Variants in GPD2 observed in about 807,000 individuals in gnomAD.
The protein encoded by GPD2 is glycerol-3-phosphate dehydrogenase, mitochondrial.
A neutral mutation model predicts 82.4 loss-of-function variants in GPD2; 54 were observed. That is an observed-to-expected ratio of 0.66 (90% CI 0.53 to 0.82). The LOEUF is 0.82. Ranked by LOEUF, GPD2 falls within the 40% of genes least tolerant of loss-of-function variation. The pLI is 0.00. For synonymous variants in GPD2, 288 were observed against 306.1 expected (o/e 0.94, Z 0.62); for missense variants, 748 against 896.2 (o/e 0.83, Z 2.11).
intron 7 of GPD2, 53 bp downstream of exon 7, chr2:156,549,825 A>G (rs1686692012): frequency 7.9e-7 from 1 of 1,266,770 alleles, no homozygotes; most frequent in Non-Finnish European, 1.1e-6. Flanking sequence ...CCTAGCTTAT[A>G]TAATGACTGA....
the GPD2 span, among the ~76,000 whole-genome samples, chr2:156,423,970 A>G: frequency 6.6e-6 from 1 of 152,254 alleles, no homozygotes; most frequent in Non-Finnish European, 1.5e-5. Flanking sequence ...AAGCCACGCC[A>G]GGTGGCTAAT....
At chr2:156,400,992 A>G in the GPD2 span, among the ~76,000 whole-genome samples, 1 of 152,190 alleles carries the variant, frequency 6.6e-6, no homozygotes, top group Admixed American at 6.5e-5. Flanking sequence ...GCTCAGGGAA[A>G]CCACCTTCTT....
chr2:156,522,525 T>A (rs769674489), intron 6 of GPD2, among the ~76,000 whole-genome samples: 6 of 152,210 alleles, frequency 3.9e-5, no homozygotes, highest in Non-Finnish European at 8.8e-5. Flanking sequence ...AAAATCTTTG[T>A]CCACTCTTCT....
the GPD2 span, among the ~76,000 whole-genome samples, chr2:156,427,638 A>C: frequency 6.6e-6 from 1 of 152,242 alleles, no homozygotes; most frequent in Admixed American, 6.5e-5. Context: ...CTAGCTCTAG[A>C]AAGATAGATT....
intron 1 of GPD2, among the ~76,000 whole-genome samples, chr2:156,439,389 C>G (rs2105134389): frequency 6.6e-6 from 1 of 151,348 alleles, no homozygotes; most frequent in Admixed American, 6.6e-5. Context: ...TTGAGACCAG[C>G]CTGGACAACA....
chr2:156,533,813 C>T (rs532718378), intron 6 of GPD2, among the ~76,000 whole-genome samples: 3 of 152,334 alleles, frequency 2.0e-5, no homozygotes, highest in African/African-American at 7.2e-5. Context: ...CCACCATGCT[C>T]AAACCCCTTA....
chr2:156,488,085 T>G lies in GPD2; in HGVS notation c.103-7959T>G, dbSNP rs370251160. Among the ~76,000 whole-genome samples, 23 of 152,118 alleles carry G rather than the reference T, an allele frequency of 1.5e-4. No individual in the cohort carries two copies. The East Asian group carries it at 4.2e-3, about 28-fold the overall frequency. Reference sequence around the variant, plus strand: ...AGCTACCCCAGAAGGATGGGCTCCTTTTTTTTTCTTTTGTGTGGACCCCAG... The same window carrying G: ...AGCTACCCCAGAAGGATGGGCTCCTGTTTTTTTCTTTTGTGTGGACCCCAG... On this transcript the variant is annotated intron_variant, in intron 2 of 16. Coordinates refer to ENST00000438166, the MANE Select transcript of GPD2 (RefSeq NM_000408.5).
At chr2:156,445,063 T>G (rs534429842) in intron 1 of GPD2, among the ~76,000 whole-genome samples, 7 of 152,344 alleles carry the variant, frequency 4.6e-5, no homozygotes, top group African/African-American at 1.7e-4. Context: ...TCACAGAATT[T>G]TAAAATAGGA....
At position 156,557,532 on chromosome 2, in the gene GPD2, T is replaced by C. The variant is rs753810240; in HGVS notation, c.1115T>C (p.Ile372Thr). The change falls in exon 9 of 17, where the codon ATC becomes ACC. Residue 372 changes from isoleucine to threonine, a missense_variant. Coordinates refer to ENST00000438166, the MANE Select transcript of GPD2 (RefSeq NM_000408.5). ...CATCCAATTCCTTCAGAAGAAGATATCAACTTCATTTTGAATGAAGTGCGT... is the reference window on the plus strand; with the variant it reads ...CATCCAATTCCTTCAGAAGAAGATACCAACTTCATTTTGAATGAAGTGCGT... ...THHPIPSEED[I>T]NFILNEVRNY... 44 of 1,602,368 alleles carry C rather than the reference T, an allele frequency of 2.7e-5. No individual in the cohort carries two copies. In the Admixed American group the frequency reaches 5.3e-4, roughly 19 times the overall value.
In GPD2 at chr2:156,549,670, G is replaced by A. The variant is rs2105334112; in HGVS notation, c.724G>A (p.Ala242Thr). 1.9e-6 allele frequency: 3 copies of A among 1,613,766 alleles called. No individual in the cohort carries two copies. The highest frequency in any genetic ancestry group is 2.7e-5 in the African/African-American group (2 of 75,036). ...TCTGACTGCTGCCAGGTATGGGGCT[G>A]CCACAGCCAATTACATGGAGGTAGT... ...IALTAARYGA[A>T]TANYMEVVSL... Residue 242 changes from alanine to threonine, a missense_variant, in exon 7 of 17, where the codon GCC becomes ACC. Coordinates refer to ENST00000438166, the MANE Select transcript of GPD2 (RefSeq NM_000408.5).
chr2:156,496,029 C>T lies in GPD2; in HGVS notation c.103-15C>T. The T allele has an allele frequency of 1.9e-6, 3 of 1,603,868 alleles. No individual in the cohort carries two copies. The highest frequency in any genetic ancestry group is 2.6e-6 in the Non-Finnish European group (3 of 1,171,738). On this transcript the variant is annotated splice_polypyrimidine_tract_variant and intron_variant, in intron 2 of 16. Transcript: ENST00000438166. ...TTCCAAATGGACAACTGAAAGTGATCTGCTTTTACATCAGATGAACCTGGC... is the reference window on the plus strand; with the variant it reads ...TTCCAAATGGACAACTGAAAGTGATTTGCTTTTACATCAGATGAACCTGGC...
chr2:156,534,366 A>G (rs1000011054), intron 6 of GPD2, among the ~76,000 whole-genome samples: 1 of 152,220 alleles, frequency 6.6e-6, no homozygotes. Context: ...GGGATGCAGC[A>G]GGCCAAAAGG....
At chr2:156,433,819 T>C (rs1688351364), upstream of GPD2, among the ~76,000 whole-genome samples, 1 of 152,140 alleles carries the variant, frequency 6.6e-6, no homozygotes, top group Non-Finnish European at 1.5e-5. Flanking sequence ...AAACATCAGT[T>C]ATATTCAGGC....
At chr2:156,424,202 G>A in the GPD2 span, among the ~76,000 whole-genome samples, 35 of 147,504 alleles carry the variant, frequency 2.4e-4, no homozygotes, top group South Asian at 2.1e-4. Flanking sequence ...ATTAAATAAG[G>A]AAAAAAAAAA....
chr2:156,496,018 C>A (rs748420947), intron 2 of GPD2, 26 bp from the exon 3 acceptor site: 1 of 1,587,342 alleles, frequency 6.3e-7, no homozygotes, highest in South Asian at 1.1e-5. Context: ...AAATGGACAA[C>A]TGAAAGTGAT....
At chr2:156,513,312 T>TC (rs760949816) in intron 5 of GPD2, 21 bp from the exon 6 acceptor site, 3 of 1,565,764 alleles carry the variant, frequency 1.9e-6, no homozygotes, top group Middle Eastern at 2.3e-4. Flanking sequence ...TGAAGAACTT[T>TC]CCCCCCTATT....
the GPD2 span, among the ~76,000 whole-genome samples, chr2:156,428,865 T>C: frequency 6.6e-6 from 1 of 152,194 alleles, no homozygotes; most frequent in African/African-American, 2.4e-5. Flanking sequence ...AGAGGAGGAA[T>C]GAAGGAGATT....
At chr2:156,478,508 A>G (rs1573909627) in intron 2 of GPD2, among the ~76,000 whole-genome samples, 1 of 152,164 alleles carries the variant, frequency 6.6e-6, no homozygotes, top group East Asian at 1.9e-4. Flanking sequence ...GCAAAAAATA[A>G]TAATAATAAT....
In GPD2 at chr2:156,551,974, T is replaced by A. The variant is rs181200835; in HGVS notation, c.971+1228T>A. On this transcript the variant is annotated intron_variant, in intron 8 of 16. Coordinates refer to ENST00000438166, the MANE Select transcript of GPD2 (RefSeq NM_000408.5). Reference sequence around the variant, plus strand: ...TTTGATAAAGTGGATGTGTAGAACCTATGATATTTTGTTTAATACTTCCAT... The same window carrying A: ...TTTGATAAAGTGGATGTGTAGAACCAATGATATTTTGTTTAATACTTCCAT... Among the ~76,000 whole-genome samples, 5 of 152,274 alleles carry A rather than the reference T, an allele frequency of 3.3e-5. No homozygotes were observed. In the East Asian group the frequency reaches 7.7e-4, roughly 24 times the overall value.
Sources: allele counts gnomAD v4.1 joint callset (sites outside exome capture counted in the v4.1 genomes callset), GRCh38; gene constraint gnomAD v4.1.1; transcripts MANE v1.5; gene names NCBI Gene and HGNC (gene_info 2026-07-23, HGNC 2026-07-21).